Variants in CHST11 observed in about 807,000 individuals in gnomAD.
CHST11 encodes carbohydrate sulfotransferase 11.
CHST11 carries 9 observed loss-of-function variants against 30.4 expected under a neutral mutation model. The observed-to-expected ratio is 0.30, with a 90% CI of 0.18 to 0.52. CHST11 has a LOEUF of 0.52. CHST11 is among the 20% of genes least tolerant of loss of function. The pLI, the probability that CHST11 is intolerant of heterozygous loss-of-function variation, is 0.97. For synonymous variants in CHST11, 152 were observed against 187.8 expected, an observed-to-expected ratio of 0.81 and a Z score of 1.56; for missense variants, 348 against 460.6, an observed-to-expected ratio of 0.76 and a Z score of 2.24.
At chr12:104,705,593 T>C (rs900271349) in intron 2 of CHST11, among the ~76,000 whole-genome samples, 3 of 152,108 alleles carry the variant, frequency 2.0e-5, no homozygotes, top group African/African-American at 7.2e-5. Flanking sequence ...TATTAATATA[T>C]AGCAAGTCCG....
At chr12:104,621,281 G>A (rs182553760) in intron 2 of CHST11, among the ~76,000 whole-genome samples, 10 of 152,236 alleles carry the variant, frequency 6.6e-5, no homozygotes, top group Middle Eastern at 3.4e-3. Context: ...TGTGTGGCCC[G>A]GCCTGTTAAA....
At chr12:104,487,758 C>T (rs546558492) in intron 1 of CHST11, among the ~76,000 whole-genome samples, 1 of 151,288 alleles carries the variant, frequency 6.6e-6, no homozygotes, top group African/African-American at 2.4e-5. Context: ...AGTGGAGCTT[C>T]CTGGGTGAAC....
At chr12:104,556,471 G>T (rs907096) in intron 1 of CHST11, among the ~76,000 whole-genome samples, 1 of 152,184 alleles carries the variant, frequency 6.6e-6, no homozygotes, top group African/African-American at 2.4e-5. Context: ...CTGGAGGCTC[G>T]AAGTCTGAGA....
chr12:104,496,464 T>A (rs1182137047), intron 1 of CHST11, among the ~76,000 whole-genome samples: 3 of 152,264 alleles, frequency 2.0e-5, no homozygotes, highest in Non-Finnish European at 4.4e-5. Flanking sequence ...TCAGCTGTAA[T>A]GTTTGTGTTG....
intron 2 of CHST11, among the ~76,000 whole-genome samples, chr12:104,656,872 G>C (rs139608111): frequency 0.011 from 1,646 of 152,228 alleles, 33 homozygotes; most frequent in African/African-American, 0.037. Flanking sequence ...AGGTGTTAAG[G>C]CTACAGAGGT....
At chr12:104,643,669 G>A (rs1186546386) in intron 2 of CHST11, among the ~76,000 whole-genome samples, 2 of 151,736 alleles carry the variant, frequency 1.3e-5, no homozygotes, top group Non-Finnish European at 2.9e-5. Context: ...AAGTTCTCAT[G>A]ACTTTTTTTT....
intron 1 of CHST11, among the ~76,000 whole-genome samples, chr12:104,516,629 G>C (rs1829043730): frequency 6.6e-6 from 1 of 152,038 alleles, no homozygotes; most frequent in African/African-American, 2.4e-5. Flanking sequence ...AGAGTGAGGT[G>C]CTTTTATAGT....
At chr12:104,747,361 C>T (rs115229800) in intron 2 of CHST11, among the ~76,000 whole-genome samples, 175 of 152,314 alleles carry the variant, frequency 1.1e-3, no homozygotes, top group African/African-American at 3.6e-3. Context: ...TTTCCTTATC[C>T]ACAAGTTGAA....
intron 1 of CHST11, among the ~76,000 whole-genome samples, chr12:104,490,460 G>A (rs1027657832): frequency 6.6e-6 from 1 of 152,184 alleles, no homozygotes; most frequent in Admixed American, 6.5e-5. Context: ...AGTTGGTGCC[G>A]AAGTGTTTTA....
rs759167574 is a variant in CHST11 at position 104,710,401 on chromosome 12, G to A, written c.205-46548G>A. Among the ~76,000 whole-genome samples the A allele has an allele frequency of 2.6e-4, 39 of 152,246 alleles. No individual in the cohort carries two copies. The East Asian group carries it at 4.6e-3, about 18-fold the overall frequency. ...GGCTCTTTTCTTCGGTGGCACTTCC[G>A]TGGGCTCTCTGGGGAATCAGTTTCC... On this transcript the variant is annotated intron_variant, in intron 2 of 2. Transcript: ENST00000303694.
At chr12:104,492,000 G>C (rs746188334) in intron 1 of CHST11, among the ~76,000 whole-genome samples, 1 of 152,204 alleles carries the variant, frequency 6.6e-6, no homozygotes, top group Non-Finnish European at 1.5e-5. Flanking sequence ...CCCAAAGGCT[G>C]TGTGATTTCC....
In CHST11 at chr12:104,757,694, A is replaced by C; in HGVS notation, c.950A>C (p.Glu317Ala). 1 of 1,614,210 alleles carries C rather than the reference A, an allele frequency of 6.2e-7. No individual in the cohort carries two copies. Among genetic ancestry groups the C allele is most frequent in the Non-Finnish European group, 8.5e-7 (1 of 1,180,036 alleles). Reference protein sequence around the residue: ...STRTTDEMTTEFFQNISSEHQ... With the variant: ...STRTTDEMTTAFFQNISSEHQ... ...AGAACTACTGATGAAATGACCACAG[A>C]ATTCTTCCAGAACATCAGCTCAGAG... Residue 317 changes from glutamate to alanine, a missense_variant, in exon 3 of 3, where the codon GAA (glutamate) becomes GCA (alanine). Around this residue, in one of 3 missense-constraint regions of CHST11, gnomAD observed 210 missense variants for 287.2 expected, o/e 0.73. Transcript: ENST00000303694. The surrounding 1 kb of genome is among the most constrained non-coding windows in gnomAD (Gnocchi z 6.5).
Position 104,757,968 on chromosome 12 carries a change from C to A in CHST11, c.*165C>A. 2.6e-6 allele frequency: 2 copies of A among 764,622 alleles called. No individual in the cohort carries two copies. The highest frequency in any genetic ancestry group is 4.1e-6 in the Non-Finnish European group (2 of 491,250). The allele number at this position is 764,622 out of a possible 1,614,324, so 47.4% of individuals were successfully genotyped here. On this transcript the variant is annotated 3_prime_UTR_variant, in exon 3 of 3. Coordinates refer to ENST00000303694, the MANE Select transcript of CHST11 (RefSeq NM_018413.6). This position sits in a 1 kb window ranked among gnomAD's most constrained non-coding sequence, Gnocchi z 6.5. ...TAAAATCCTTCGTAGGGAAGGACAG[C>A]TGTCTTTGCAGGGGAAATAGGATGG... is the stretch of plus-strand genomic sequence containing the variant.
chr12:104,668,798 C>T (rs1426951299), intron 2 of CHST11, among the ~76,000 whole-genome samples: 3 of 152,224 alleles, frequency 2.0e-5, no homozygotes, highest in Admixed American at 2.0e-4. Context: ...AGTCACAGCC[C>T]TCAGCAAACT....
intron 2 of CHST11, among the ~76,000 whole-genome samples, chr12:104,661,954 T>A (rs2039602483): frequency 6.6e-6 from 1 of 152,220 alleles, no homozygotes; most frequent in Non-Finnish European, 1.5e-5. Flanking sequence ...AAAAAGAAGA[T>A]GTTACTTTTA....
chr12:104,608,158 C>A (rs1007759755), intron 2 of CHST11, among the ~76,000 whole-genome samples: 2 of 152,044 alleles, frequency 1.3e-5, no homozygotes, highest in African/African-American at 4.8e-5. Context: ...GGTTCAGAAG[C>A]CCTGAGTTGA....
At chr12:104,699,884 C>T (rs1316258257) in intron 2 of CHST11, among the ~76,000 whole-genome samples, 1 of 152,162 alleles carries the variant, frequency 6.6e-6, no homozygotes, top group Non-Finnish European at 1.5e-5. Context: ...CCAGCACCTC[C>T]TGGGAGCCCT....
chr12:104,620,744 A>T (rs1254850766), intron 2 of CHST11, among the ~76,000 whole-genome samples: 1 of 152,204 alleles, frequency 6.6e-6, no homozygotes, highest in Non-Finnish European at 1.5e-5. Context: ...TTGTTGTGTC[A>T]GAGACTAGCA....
At chr12:104,602,039 G>A in intron 2 of CHST11, 48 bp downstream of exon 2, 1 of 1,310,796 alleles carries the variant, frequency 7.6e-7, no homozygotes, top group Non-Finnish European at 1.1e-6. Flanking sequence ...TTTTTTGTAG[G>A]TATGGATACT....
Sources: gnomAD v4.1 joint callset for allele counts (sites outside exome capture counted in the v4.1 genomes callset) on GRCh38, gnomAD v4.1.1 for gene constraint, gnomAD v4.1.1 regional missense constraint, Gnocchi (gnomAD v3.1) non-coding constraint, MANE v1.5 for transcripts, NCBI Gene and HGNC (gene_info 2026-07-23, HGNC 2026-07-21) for gene names.